The following YJU2 variants were observed in gnomAD, a reference collection of about 807,000 sequenced individuals.
The protein encoded by YJU2 is splicing factor YJU2.
Under a neutral mutation model 39.6 loss-of-function variants are expected in YJU2, and 28 were observed. The ratio of observed to expected loss-of-function variants is 0.71; its 90% CI spans 0.52 to 0.97. The LOEUF is 0.97. YJU2 is among the 50% of genes least tolerant of loss of function. The probability of loss-of-function intolerance (pLI) is 0.00; values close to 1 mark genes in which losing one functional copy is unlikely to be tolerated. For missense variants in YJU2, 328 were observed against 430.4 expected (o/e 0.76, Z 2.11); for synonymous variants, 184 against 182.4 (o/e 1.01, Z -0.07).
At chr19:4,259,303 T>C (rs1163532282) in intron 5 of YJU2, among the ~76,000 whole-genome samples, 1 of 151,852 alleles carries the variant, frequency 6.6e-6, no homozygotes, top group Non-Finnish European at 1.5e-5. Flanking sequence ...ATGGTCTCGA[T>C]CTCCTGACCT....
At chr19:4,249,185 C>A in intron 1 of YJU2, 43 bp from the exon 2 acceptor site, 1 of 1,395,566 alleles carries the variant, frequency 7.2e-7, no homozygotes, top group Non-Finnish European at 1.0e-6. Flanking sequence ...CCTGCCCCTG[C>A]TTCTGAAAAT....
chr19:4,265,119 G>T (rs984842540), intron 6 of YJU2, among the ~76,000 whole-genome samples: 2 of 151,760 alleles, frequency 1.3e-5, no homozygotes, highest in African/African-American at 2.4e-5. Flanking sequence ...CCTCAGTCTT[G>T]TGCCTCTACC....
At chr19:4,260,965 C>G (rs909486446) in intron 5 of YJU2, among the ~76,000 whole-genome samples, 7 of 152,084 alleles carry the variant, frequency 4.6e-5, no homozygotes, top group Non-Finnish European at 7.4e-5. Context: ...AGAGGAAGAG[C>G]GTCTTGCATT....
chr19:4,249,353 C>T (rs751194794), intron 2 of YJU2, 25 bp downstream of exon 2: 2 of 1,489,098 alleles, frequency 1.3e-6, no homozygotes, highest in African/African-American at 1.4e-5. Flanking sequence ...CGTGACCCCA[C>T]ACACCAGTCA....
chr19:4,258,758 C>G (rs1164289712), intron 5 of YJU2, among the ~76,000 whole-genome samples: 1 of 152,232 alleles, frequency 6.6e-6, no homozygotes, highest in Non-Finnish European at 1.5e-5. Context: ...CGCGCCTCAT[C>G]CCCTAGCACC....
Position 4,258,406 on chromosome 19 carries a change from G to C in YJU2, c.570G>C (p.Glu190Asp), listed in dbSNP as rs746335616. Residue 190 changes from glutamate (E) to aspartate (D), a missense_variant, in exon 5 of 8, where the codon GAG becomes GAC. By Grantham distance (45) the Glu-to-Asp change is conservative. Around this residue, in one of 2 missense-constraint regions of YJU2, gnomAD observed 244 missense variants for 264.6 expected, o/e 0.92. Coordinates refer to ENST00000262962, the MANE Select transcript of YJU2 (RefSeq NM_018074.6). ...AGCGGCGGAGGCAGCAGCAGGAGGA[G>C]GACGAGCAGGAGACCGCGTGAGTCA... ...EEERRRQQQE[E>D]DEQETAALLE... 1.8e-5 allele frequency: 29 copies of C among 1,591,490 alleles called. No homozygotes were observed. Among genetic ancestry groups the C allele is most frequent in the Admixed American group, 8.9e-5 (5 of 55,878 alleles).
intron 4 of YJU2, among the ~76,000 whole-genome samples, chr19:4,255,825 G>A (rs183132280): frequency 2.0e-5 from 3 of 151,308 alleles, no homozygotes; most frequent in East Asian, 1.9e-4. Context: ...TGGCCAACAC[G>A]GCGAAACCCT....
intron 5 of YJU2, 117 bp from the exon 6 acceptor site, chr19:4,261,877 T>A: frequency 3.3e-6 from 3 of 911,976 alleles, no homozygotes; most frequent in Non-Finnish European, 5.0e-6. Context: ...CCACCCCTGC[T>A]CACTGAGGGC....
At chr19:4,264,281 A>AG (rs1555725873) in intron 6 of YJU2, among the ~76,000 whole-genome samples, 1 of 147,660 alleles carries the variant, frequency 6.8e-6, no homozygotes, top group Non-Finnish European at 1.5e-5. Context: ...AAAAAAAAAA[A>AG]AAAAAGAAAC....
chr19:4,258,635 G>A (rs1971043960), intron 5 of YJU2, among the ~76,000 whole-genome samples: 1 of 152,254 alleles, frequency 6.6e-6, no homozygotes, highest in African/African-American at 2.4e-5. Flanking sequence ...TCGCCCGCAT[G>A]GCTGCGGTTT....
chr19:4,254,513 T>A, intron 4 of YJU2, 24 bp downstream of exon 4: 1 of 1,555,590 alleles, frequency 6.4e-7, no homozygotes, highest in Non-Finnish European at 8.7e-7. Flanking sequence ...CATGTAGGTG[T>A]TCATGGGCGC....
In YJU2 at chr19:4,268,024, C is replaced by T. The variant is rs140576644; in HGVS notation, c.859+250C>T. Among the ~76,000 whole-genome samples the T allele has an allele frequency of 2.1e-3, 318 of 151,340 alleles. 2 individuals are homozygous for T. Among genetic ancestry groups the T allele is most frequent in the African/African-American group, 7.4e-3 (306 of 41,186 alleles). ...CTGGAGTGCAGTGGTGCCATCTCGGCTCACCGCAACCTCCGCCTCCCTGGT... is the reference window on the plus strand; with the variant it reads ...CTGGAGTGCAGTGGTGCCATCTCGGTTCACCGCAACCTCCGCCTCCCTGGT... On this transcript the variant is annotated intron_variant, in intron 7 of 7. Transcript: ENST00000262962.
rs34728075 is a variant in YJU2, at chr19:4,259,071, C to CTTTT, written c.587+674_587+677dup. On this transcript the variant is annotated intron_variant, in intron 5 of 7. Coordinates refer to ENST00000262962, the MANE Select transcript of YJU2 (RefSeq NM_018074.6). Reference sequence around the variant, plus strand: ...TCAGGCCTCCTGGGTGAACACTTTTCTTTTTTTTTTTTTTTTTTTTTTTTT... The same window carrying CTTTT: ...TCAGGCCTCCTGGGTGAACACTTTTCTTTTTTTTTTTTTTTTTTTTTTTTTTTTT... Among the ~76,000 whole-genome samples the CTTTT allele has an allele frequency of 1.7e-3, 151 of 90,304 alleles. 11 individuals carry two copies. The highest frequency in any genetic ancestry group is 4.3e-3 in the African/African-American group (83 of 19,404). The allele number at this position is 90,304 out of a possible 152,430, so 59.2% of individuals were successfully genotyped here.
In YJU2 at chr19:4,268,527, T is replaced by C. The variant is rs915911920; in HGVS notation, c.860-57T>C. The C allele has an allele frequency of 8.4e-6, 11 of 1,307,446 alleles. No individual in the cohort carries two copies. In the Admixed American group the frequency reaches 2.1e-4, roughly 25 times the overall value. 81.0% of individuals were successfully genotyped at this position (1,307,446 alleles called of 1,614,324 possible). Reference sequence around the variant, plus strand: ...TGCAGAGGTGGCCGGCCCCGTGCCTTGTCCCTGGCCTGTCTGCTGTGGAGC... The same window carrying C: ...TGCAGAGGTGGCCGGCCCCGTGCCTCGTCCCTGGCCTGTCTGCTGTGGAGC... On this transcript the variant is annotated intron_variant, in intron 7 of 7. Transcript: ENST00000262962.
chr19:4,249,926 C>T (rs1234943629), intron 2 of YJU2, among the ~76,000 whole-genome samples: 2 of 152,060 alleles, frequency 1.3e-5, no homozygotes, highest in East Asian at 1.9e-4. Context: ...AAGCTGGTCT[C>T]GAACTCCTGA....
At position 4,251,859 on chromosome 19, in the gene YJU2, T is replaced by G. The variant is rs558592816; in HGVS notation, c.270+688T>G. Among the ~76,000 whole-genome samples the G allele has an allele frequency of 4.6e-5, 7 of 151,548 alleles. No homozygotes were observed. In the South Asian group the frequency reaches 1.5e-3, roughly 32 times the overall value. On this transcript the variant is annotated intron_variant, in intron 3 of 7. Coordinates refer to ENST00000262962, the MANE Select transcript of YJU2 (RefSeq NM_018074.6). ...AAAGTGAGCCAGGCGTGGTGGCTCA[T>G]GCCTGTAATCTCAGGTACTTGGGAG...
intron 3 of YJU2, among the ~76,000 whole-genome samples, chr19:4,254,020 G>A (rs1281513143): frequency 6.6e-6 from 1 of 152,138 alleles, no homozygotes; most frequent in African/African-American, 2.4e-5. Flanking sequence ...ATGTTGGCCA[G>A]GCTGGTCTTG....
intron 3 of YJU2, among the ~76,000 whole-genome samples, chr19:4,253,114 C>T (rs1374118288): frequency 6.6e-6 from 1 of 151,664 alleles, no homozygotes; most frequent in Non-Finnish European, 1.5e-5. Flanking sequence ...ACTCCCAGCG[C>T]TTTGAGAAGG....
chr19:4,267,677 GGGCAGCC>G lies in YJU2; in HGVS notation c.766_772del (p.Ser256ProfsTer9). 6.2e-7 allele frequency: 1 copy of G among 1,613,520 alleles called. No homozygotes were observed. The highest frequency in any genetic ancestry group is 8.5e-7 in the Non-Finnish European group (1 of 1,179,920). On this transcript the variant is annotated frameshift_variant, in exon 7 of 8. Transcript: ENST00000262962. LOFTEE classifies it high-confidence loss of function. ...TCTGGGAGCAGAGCGTTGGCAGCCT[GGGCAGCC>G]GGCCCCCGCTGTCGAGGCTGGTCGT...
Sources: allele counts gnomAD v4.1 joint callset (sites outside exome capture counted in the v4.1 genomes callset), GRCh38; gene constraint gnomAD v4.1.1; regional missense constraint gnomAD v4.1.1; transcripts MANE v1.5; gene names NCBI Gene and HGNC (gene_info 2026-07-23, HGNC 2026-07-21).